Variants in HMCN1 observed in about 807,000 individuals in gnomAD.
HMCN1 encodes hemicentin-1.
In HMCN1, 321 loss-of-function variants were observed where a neutral mutation model predicts 625.9. That is an observed-to-expected ratio of 0.51 (90% CI 0.47 to 0.56). The LOEUF (loss-of-function observed/expected upper bound fraction) is 0.56, where lower values mean the gene tolerates loss of function less well. Ranked by LOEUF, HMCN1 falls within the 20% of genes least tolerant of loss-of-function variation. The probability of loss-of-function intolerance (pLI) is 0.00; values close to 1 mark genes in which losing one functional copy is unlikely to be tolerated. For synonymous variants in HMCN1, 2,425 were observed against 2,417.6 expected (o/e 1.00, Z -0.09); for missense variants, 6,588 against 6,887.3 (o/e 0.96, Z 1.54).
chr1:185,834,302 T>C (rs1275705083), intron 1 of HMCN1, among the ~76,000 whole-genome samples: 2 of 152,236 alleles, frequency 1.3e-5, no homozygotes, highest in African/African-American at 2.4e-5. Flanking sequence ...AGCTGGGTCC[T>C]CTGGCTCAGA....
intron 82 of HMCN1, among the ~76,000 whole-genome samples, chr1:186,126,117 TAATTGTAATTTTTATGCTATATTTTCA>T (rs1043079821): frequency 2.0e-4 from 30 of 152,072 alleles, no homozygotes; most frequent in Admixed American, 1.8e-3. Context: ...CTAGAGTAAA[TAATTGTAATTTTTATGCTATATTTTCA>T]ATTCTTTAGT....
At chr1:186,120,800 T>C (rs1661362372) in intron 80 of HMCN1, among the ~76,000 whole-genome samples, 1 of 152,212 alleles carries the variant, frequency 6.6e-6, no homozygotes, top group Admixed American at 6.5e-5. Flanking sequence ...TTATTCAACA[T>C]TAATAACTGG....
At chr1:185,916,438 A>C (rs1335128384) in intron 6 of HMCN1, among the ~76,000 whole-genome samples, 1 of 152,164 alleles carries the variant, frequency 6.6e-6, no homozygotes, top group African/African-American at 2.4e-5. Context: ...GTTAAATGAG[A>C]TATTGGTAAA....
At chr1:186,067,372 T>C (rs1480707910) in intron 49 of HMCN1, among the ~76,000 whole-genome samples, 1 of 152,146 alleles carries the variant, frequency 6.6e-6, no homozygotes, top group Non-Finnish European at 1.5e-5. Flanking sequence ...TGCCCCTCAT[T>C]GCTTACAATT....
At chr1:185,977,390 A>G (rs1651294126) in intron 15 of HMCN1, among the ~76,000 whole-genome samples, 2 of 152,170 alleles carry the variant, frequency 1.3e-5, no homozygotes, top group South Asian at 4.1e-4. Flanking sequence ...CAAAGGAGTA[A>G]GTTACGGAAA....
intron 86 of HMCN1, among the ~76,000 whole-genome samples, chr1:186,134,584 T>G (rs745691345): frequency 1.3e-5 from 2 of 152,052 alleles, no homozygotes; most frequent in Non-Finnish European, 2.9e-5. Context: ...GCTAAGAGAG[T>G]CAAACCTCAC....
intron 5 of HMCN1, 132 bp from the exon 6 acceptor site, chr1:185,911,542 A>T (rs1666420702): frequency 1.3e-6 from 1 of 783,014 alleles, no homozygotes; most frequent in Admixed American, 1.8e-5. Context: ...AGTTTGCAGC[A>T]CACTTTGGTA....
In HMCN1 at chr1:186,053,842, G is replaced by C; in HGVS notation, c.6718G>C (p.Asp2240His). 1 of 1,612,620 alleles carries C rather than the reference G, an allele frequency of 6.2e-7. No individual in the cohort carries two copies. The highest frequency in any genetic ancestry group is 8.5e-7 in the Non-Finnish European group (1 of 1,179,102). ...WKKKGSPVLT[D>H]SMGRVRILSG... ...CTTTGTAGGCTCTCCAGTGCTGACT[G>C]ATTCCATGGGGCGAGTTAGAATTTT... Residue 2240 changes from aspartate to histidine, a missense_variant, in exon 44 of 107, where the codon GAT (aspartate) becomes CAT (histidine). By Grantham distance (81) the Asp-to-His change is moderately conservative. This residue lies in a region of HMCN1 where 4,628 missense variants were observed against 4,853.1 expected (regional missense o/e 0.95). Transcript: ENST00000271588.
At chr1:185,979,364 G>T (rs1332244623) in intron 16 of HMCN1, among the ~76,000 whole-genome samples, 1 of 152,080 alleles carries the variant, frequency 6.6e-6, no homozygotes, top group African/African-American at 2.4e-5. Context: ...ACATTGAAAA[G>T]CTCAAAGAGT....
intron 4 of HMCN1, among the ~76,000 whole-genome samples, chr1:185,897,785 A>T (rs1055453285): frequency 1.3e-5 from 2 of 152,006 alleles, no homozygotes; most frequent in African/African-American, 4.8e-5. Context: ...ATCCCAAAGG[A>T]TGTTCTCTCT....
chr1:186,099,942 C>T (rs1660309309), intron 68 of HMCN1, among the ~76,000 whole-genome samples: 1 of 152,046 alleles, frequency 6.6e-6, no homozygotes, highest in South Asian at 2.1e-4. Context: ...AAATATTTTA[C>T]AGCCAGATTT....
In HMCN1 at chr1:185,842,524, A is replaced by G. The variant is rs1216959670; in HGVS notation, c.269-3502A>G. ...GGCCGCAGTGAGCTGTGATCATGCC[A>G]TTGCACTGCAGCCTGGGCAACATAA... On this transcript the variant is annotated intron_variant, in intron 1 of 106. Coordinates refer to ENST00000271588, the MANE Select transcript of HMCN1 (RefSeq NM_031935.3). Among the ~76,000 whole-genome samples, 3 of 151,702 alleles carry G rather than the reference A, an allele frequency of 2.0e-5. No individual in the cohort carries two copies. The East Asian group carries it at 5.8e-4, about 29-fold the overall frequency.
intron 71 of HMCN1, among the ~76,000 whole-genome samples, chr1:186,112,462 G>A (rs539778031): frequency 1.3e-5 from 2 of 152,292 alleles, no homozygotes; most frequent in South Asian, 4.1e-4. Context: ...CTAGGCTTAG[G>A]TCATCCTCAC....
intron 4 of HMCN1, among the ~76,000 whole-genome samples, chr1:185,887,765 C>T (rs1664764212): frequency 2.2e-5 from 3 of 139,214 alleles, no homozygotes; most frequent in Non-Finnish European, 4.6e-5. Flanking sequence ...CCGCAATAAA[C>T]ATACGTGTGC....
chr1:186,035,229 G>T (rs1202126589), intron 36 of HMCN1, among the ~76,000 whole-genome samples: 1 of 152,130 alleles, frequency 6.6e-6, no homozygotes, highest in African/African-American at 2.4e-5. Context: ...AACAGGTAGG[G>T]TTAATACATG....
At chr1:185,800,546 T>A (rs1440025141) in intron 1 of HMCN1, among the ~76,000 whole-genome samples, 1 of 152,118 alleles carries the variant, frequency 6.6e-6, no homozygotes, top group Non-Finnish European at 1.5e-5. Context: ...TACAGGTTGT[T>A]TTGAAGATTA....
At chr1:186,062,732 T>G in intron 48 of HMCN1, 132 bp downstream of exon 48, 1 of 697,638 alleles carries the variant, frequency 1.4e-6, no homozygotes, top group Admixed American at 2.0e-5. Context: ...ATATATTGAG[T>G]ACTGGTGAAG....
rs573229310 is a variant in HMCN1 at position 186,087,251 on chromosome 1, A to G, written c.9081A>G (p.Val3027=). ...GRTLQIIRAK[V]SDGGEYTCIA... is the part of the protein sequence containing the mutation. ...CTCTACAGATTATTCGGGCCAAGGT[A>G]TCAGATGGTGGTGAATACACTTGTA... The change falls in exon 59 of 107, where the codon GTA becomes GTG. Residue 3027 remains valine, a synonymous_variant. Coordinates refer to ENST00000271588, the MANE Select transcript of HMCN1 (RefSeq NM_031935.3). 10 of 1,613,148 alleles carry G rather than the reference A, an allele frequency of 6.2e-6. No individual in the cohort carries two copies. The South Asian group carries it at 9.9e-5, about 16-fold the overall frequency.
intron 90 of HMCN1, 62 bp downstream of exon 90, chr1:186,144,405 T>C (rs1650153910): frequency 6.3e-7 from 1 of 1,586,616 alleles, no homozygotes; most frequent in African/African-American, 1.3e-5. Context: ...ATCTAGGTAG[T>C]ATGTCAACAA....
Sources: allele counts gnomAD v4.1 joint callset (sites outside exome capture counted in the v4.1 genomes callset), GRCh38; gene constraint gnomAD v4.1.1; regional missense constraint gnomAD v4.1.1; transcripts MANE v1.5; gene names NCBI Gene and HGNC (gene_info 2026-07-23, HGNC 2026-07-21).